The following VPS13B variants were observed in gnomAD, a reference collection of about 807,000 sequenced individuals.
VPS13B encodes intermembrane lipid transfer protein VPS13B.
In VPS13B, 285 loss-of-function variants were observed where a neutral mutation model predicts 426.4. The ratio of observed to expected loss-of-function variants is 0.67; its 90% CI spans 0.61 to 0.74. The LOEUF (loss-of-function observed/expected upper bound fraction) is 0.74. Ranked by LOEUF, VPS13B falls within the 30% of genes least tolerant of loss-of-function variation. The pLI is 0.00. For synonymous variants in VPS13B, 1,676 were observed against 1,676.4 expected (o/e 1.00, Z 0.01); for missense variants, 4,537 against 4,782.6 (o/e 0.95, Z 1.51).
intron 17 of VPS13B, among the ~76,000 whole-genome samples, chr8:99,208,512 G>A (rs1312100126): frequency 1.3e-5 from 2 of 152,070 alleles, no homozygotes; most frequent in East Asian, 1.9e-4. Flanking sequence ...TAAATGAAGT[G>A]TATATCTCAT....
chr8:99,830,546 TG>T (rs1814982765), intron 51 of VPS13B, among the ~76,000 whole-genome samples: 2 of 152,150 alleles, frequency 1.3e-5, no homozygotes, highest in Non-Finnish European at 2.9e-5. Flanking sequence ...TCCCTGGGGG[TG>T]GGATCCACTG....
chr8:99,698,644 C>T (rs1451855449), intron 35 of VPS13B, among the ~76,000 whole-genome samples: 3 of 152,178 alleles, frequency 2.0e-5, no homozygotes, highest in Admixed American at 6.5e-5. Flanking sequence ...GAAATGAGCA[C>T]TTGTTAGGGT....
At chr8:99,457,435 G>A (rs1818540135) in intron 23 of VPS13B, among the ~76,000 whole-genome samples, 1 of 152,058 alleles carries the variant, frequency 6.6e-6, no homozygotes. Flanking sequence ...TTTATTTTTG[G>A]TGAGTTAATA....
At chr8:99,530,446 T>C (rs1349776637) in intron 30 of VPS13B, among the ~76,000 whole-genome samples, 1 of 151,710 alleles carries the variant, frequency 6.6e-6, no homozygotes, top group Non-Finnish European at 1.5e-5. Flanking sequence ...GAAACCCTAT[T>C]TCTACTAAAA....
chr8:99,697,610 A>C lies in VPS13B; in HGVS notation c.6047-1915A>C, dbSNP rs1008917222. Reference sequence around the variant, plus strand: ...ACTCTCAAAGACTGGTAGGTGAAGAAAAATATGTGAAAGCATCTAAAGCCA... The same window carrying C: ...ACTCTCAAAGACTGGTAGGTGAAGACAAATATGTGAAAGCATCTAAAGCCA... On this transcript the variant is annotated intron_variant, in intron 35 of 61. Coordinates refer to ENST00000357162, the MANE Select transcript of VPS13B (RefSeq NM_152564.5). 4 of 643,066 alleles carry C rather than the reference A, an allele frequency of 6.2e-6. No homozygotes were observed. In the African/African-American group the frequency reaches 7.3e-5, roughly 12 times the overall value. 39.8% of individuals were successfully genotyped at this position (643,066 alleles called of 1,614,324 possible). A position where few individuals can be genotyped will look rare whatever the true frequency, so the allele number is the denominator to read the frequency against.
intron 19 of VPS13B, among the ~76,000 whole-genome samples, chr8:99,305,663 A>G (rs1026169813): frequency 6.6e-6 from 1 of 152,118 alleles, no homozygotes; most frequent in African/African-American, 2.4e-5. Flanking sequence ...TTTTAGGCAT[A>G]TGGTTGGTGT....
At chr8:99,611,912 G>A (rs1405672365) in intron 33 of VPS13B, among the ~76,000 whole-genome samples, 1 of 152,020 alleles carries the variant, frequency 6.6e-6, no homozygotes, top group African/African-American at 2.4e-5. Context: ...TGATAAAGAT[G>A]AAAATGATGA....
At position 99,360,120 on chromosome 8, in the gene VPS13B, A is replaced by ATCTTTCTT. The variant is rs772269369; in HGVS notation, c.2825-24024_2825-24017dup. Among the ~76,000 whole-genome samples, 94 of 62,346 alleles carry ATCTTTCTT rather than the reference A, an allele frequency of 1.5e-3. 3 individuals are homozygous for ATCTTTCTT. Among genetic ancestry groups the ATCTTTCTT allele is most frequent in the East Asian group, 5.0e-3 (10 of 2,008 alleles). 40.9% of individuals were successfully genotyped at this position (62,346 alleles called of 152,430 possible). On this transcript the variant is annotated intron_variant, in intron 19 of 61. Coordinates refer to ENST00000357162, the MANE Select transcript of VPS13B (RefSeq NM_152564.5). The stretch of plus-strand genomic sequence containing the variant: ...CCCAACCTGTTTTTTTTTTTTCCTT[A>ATCTTTCTT]TCTTTCTTTCTTTCTTTCTTTCTTT...
chr8:99,716,986 A>G (rs758301314), intron 36 of VPS13B, among the ~76,000 whole-genome samples, 185 bp from the exon 37 acceptor site: 3 of 152,204 alleles, frequency 2.0e-5, no homozygotes, highest in Admixed American at 2.0e-4. Context: ...AGGAATGTGA[A>G]TGAGGTATAC....
At chr8:99,022,655 T>G (rs1213315951) in intron 2 of VPS13B, among the ~76,000 whole-genome samples, 1 of 152,228 alleles carries the variant, frequency 6.6e-6, no homozygotes, top group Non-Finnish European at 1.5e-5. Flanking sequence ...TGTAAATCCA[T>G]ATGGATTTTC....
chr8:99,086,855 C>T (rs1563531286), intron 3 of VPS13B, among the ~76,000 whole-genome samples: 1 of 152,184 alleles, frequency 6.6e-6, no homozygotes. Context: ...TGTGAGGTGT[C>T]AGTCTGCCCC....
intron 30 of VPS13B, chr8:99,536,866 T>A (rs759470413): frequency 1.2e-5 from 6 of 480,408 alleles, no homozygotes; most frequent in African/African-American, 1.2e-4. Flanking sequence ...CACTAAACTT[T>A]AAGAATTTTC....
intron 30 of VPS13B, among the ~76,000 whole-genome samples, chr8:99,525,384 C>A (rs1008145653): frequency 8.5e-5 from 13 of 152,188 alleles, no homozygotes; most frequent in African/African-American, 3.1e-4. Context: ...ATTTGAAAAA[C>A]AGAAAACTCC....
intron 22 of VPS13B, among the ~76,000 whole-genome samples, chr8:99,437,067 G>A (rs980341359): frequency 2.0e-5 from 3 of 152,002 alleles, no homozygotes; most frequent in African/African-American, 7.2e-5. Context: ...GATGTTTTAT[G>A]AGCCAAAATA....
intron 40 of VPS13B, among the ~76,000 whole-genome samples, chr8:99,775,804 A>G (rs971027555): frequency 1.3e-5 from 2 of 152,170 alleles, no homozygotes; most frequent in Non-Finnish European, 2.9e-5. Flanking sequence ...AGGCTGAGGC[A>G]GGAGAATCAC....
At chr8:99,370,605 C>CTTTTT (rs1047111709) in intron 19 of VPS13B, among the ~76,000 whole-genome samples, 19 of 99,458 alleles carry the variant, frequency 1.9e-4, no homozygotes, top group South Asian at 3.5e-4. Context: ...GAGTGAAGGG[C>CTTTTT]TTTTTTTTTT....
chr8:99,233,337 G>T, intron 17 of VPS13B: 1 of 1,063,122 alleles, frequency 9.4e-7, no homozygotes, highest in Non-Finnish European at 1.5e-6. Context: ...CTTCTTCTTT[G>T]GGGTTAAAGA....
rs542273769 is a variant in VPS13B at position 99,800,294 on chromosome 8, C to T, written c.7942-9081C>T. The stretch of plus-strand genomic sequence containing the variant: ...GGGTAAACAGTCTTAAGGACTGTCA[C>T]ACAATTCTAGACTTAAGGCAGCTGT... On this transcript the variant is annotated intron_variant, in intron 43 of 61. Coordinates refer to ENST00000357162, the MANE Select transcript of VPS13B (RefSeq NM_152564.5). Among the ~76,000 whole-genome samples the T allele has an allele frequency of 3.3e-5, 5 of 152,252 alleles. No homozygotes were observed. The South Asian group carries it at 8.3e-4, about 25-fold the overall frequency.
At chr8:99,786,242 A>G (rs1812259416) in intron 43 of VPS13B, among the ~76,000 whole-genome samples, 1 of 152,134 alleles carries the variant, frequency 6.6e-6, no homozygotes, top group Non-Finnish European at 1.5e-5. Flanking sequence ...CATTTGCACT[A>G]TTTCAAGGCC....
Sources: allele counts gnomAD v4.1 joint callset (sites outside exome capture counted in the v4.1 genomes callset), GRCh38; gene constraint gnomAD v4.1.1; transcripts MANE v1.5; gene names NCBI Gene and HGNC (gene_info 2026-07-23, HGNC 2026-07-21).